The following TMEM117 variants were observed in gnomAD, a reference collection of about 807,000 sequenced individuals.
The protein encoded by TMEM117 is transmembrane protein 117.
TMEM117 carries 27 observed loss-of-function variants against 52.4 expected under a neutral mutation model. The observed-to-expected ratio is 0.51, with a 90% CI of 0.38 to 0.71. The LOEUF (loss-of-function observed/expected upper bound fraction) is 0.71, where lower values mean the gene tolerates loss of function less well. TMEM117 is among the 30% of genes least tolerant of loss of function. The pLI is 0.00. For missense variants in TMEM117, 556 were observed against 630.5 expected (o/e 0.88, Z 1.26); for synonymous variants, 215 against 206.3 (o/e 1.04, Z -0.36).
chr12:43,980,887 ATT>A (rs1304721720), intron 3 of TMEM117, among the ~76,000 whole-genome samples: 2 of 152,216 alleles, frequency 1.3e-5, no homozygotes, highest in African/African-American at 4.8e-5. Flanking sequence ...AGCAAACACA[ATT>A]TGTGGGTAAC....
At chr12:44,037,350 C>G (rs1946725485) in intron 3 of TMEM117, among the ~76,000 whole-genome samples, 1 of 152,132 alleles carries the variant, frequency 6.6e-6, no homozygotes, top group Non-Finnish European at 1.5e-5. Flanking sequence ...CTGGCCTCTC[C>G]CCACTCCTGA....
chr12:43,946,406 T>TTA (rs147787124), intron 3 of TMEM117, among the ~76,000 whole-genome samples: 86,674 of 131,910 alleles, frequency 0.66, 31,436 homozygotes, highest in Non-Finnish European at 0.8. Context: ...TTTGTTTTTT[T>TTA]ATCTAGAGCT....
At chr12:44,140,531 G>A (rs1425915810) in intron 3 of TMEM117, among the ~76,000 whole-genome samples, 1 of 152,096 alleles carries the variant, frequency 6.6e-6, no homozygotes, top group East Asian at 1.9e-4. Flanking sequence ...TTCAGTGATA[G>A]GAGCTTGTTT....
In TMEM117 at chr12:44,255,897, A is replaced by G. The variant is rs113859706; in HGVS notation, c.609-43683A>G. Among the ~76,000 whole-genome samples the G allele has an allele frequency of 8.3e-4, 127 of 152,186 alleles. 1 individual carries two copies. The highest frequency in any genetic ancestry group is 2.8e-3 in the African/African-American group (118 of 41,558). ...AAAACAATCCTCATATTTCAGAAAG[A>G]GAATGTCATTACTGGACACTGATGA... is the stretch of plus-strand genomic sequence containing the variant. On this transcript the variant is annotated intron_variant, in intron 5 of 7. Coordinates refer to ENST00000266534, the MANE Select transcript of TMEM117 (RefSeq NM_032256.3).
At chr12:44,063,536 T>C (rs998565321) in intron 3 of TMEM117, among the ~76,000 whole-genome samples, 1 of 152,110 alleles carries the variant, frequency 6.6e-6, no homozygotes, top group Non-Finnish European at 1.5e-5. Context: ...GTTACATATG[T>C]ATACATGTGC....
intron 3 of TMEM117, among the ~76,000 whole-genome samples, chr12:44,075,131 C>A (rs1393378560): frequency 6.6e-6 from 1 of 152,142 alleles, no homozygotes; most frequent in Non-Finnish European, 1.5e-5. Context: ...AGAGACTAGA[C>A]CAGGGTTATT....
intron 3 of TMEM117, among the ~76,000 whole-genome samples, chr12:44,063,875 A>G (rs1198706610): frequency 6.6e-6 from 1 of 152,186 alleles, no homozygotes; most frequent in Admixed American, 6.5e-5. Flanking sequence ...GCCAGGGGCA[A>G]CCAGCGAAGG....
chr12:44,290,271 T>G (rs1241252970), intron 5 of TMEM117, among the ~76,000 whole-genome samples: 3 of 152,206 alleles, frequency 2.0e-5, no homozygotes, highest in Non-Finnish European at 4.4e-5. Flanking sequence ...CTCTGCTTTT[T>G]GTGTCATATA....
intron 6 of TMEM117, among the ~76,000 whole-genome samples, chr12:44,366,346 A>G (rs878953337): frequency 6.6e-6 from 1 of 152,044 alleles, no homozygotes; most frequent in African/African-American, 2.4e-5. Context: ...GGATGATAGA[A>G]TCTCTCTCCC....
intron 6 of TMEM117, among the ~76,000 whole-genome samples, chr12:44,359,633 C>G (rs1177957218): frequency 6.6e-6 from 1 of 151,942 alleles, no homozygotes; most frequent in Non-Finnish European, 1.5e-5. Context: ...GAAAATCTAT[C>G]TTTATGCATA....
At chr12:44,339,467 C>T (rs1309296936) in intron 6 of TMEM117, among the ~76,000 whole-genome samples, 1 of 152,024 alleles carries the variant, frequency 6.6e-6, no homozygotes, top group Non-Finnish European at 1.5e-5. Flanking sequence ...GAAGCAAGAT[C>T]ATCATGCTTG....
intron 5 of TMEM117, among the ~76,000 whole-genome samples, chr12:44,289,889 C>A (rs1280055426): frequency 6.6e-6 from 1 of 152,030 alleles, no homozygotes; most frequent in African/African-American, 2.4e-5. Context: ...TATCCCTTGT[C>A]TTTTTGATAA....
chr12:44,222,093 T>A (rs1949796580), intron 5 of TMEM117, among the ~76,000 whole-genome samples: 1 of 152,196 alleles, frequency 6.6e-6, no homozygotes, highest in Admixed American at 6.5e-5. Flanking sequence ...GTCTCAACTG[T>A]TCATTTAGCC....
intron 3 of TMEM117, among the ~76,000 whole-genome samples, chr12:44,065,777 A>G (rs996254024): frequency 3.3e-5 from 5 of 152,216 alleles, no homozygotes; most frequent in Admixed American, 2.6e-4. Context: ...GTGTACAGAT[A>G]AAAATACCTA....
At chr12:44,314,199 C>A (rs1330597710) in intron 6 of TMEM117, among the ~76,000 whole-genome samples, 7 of 152,158 alleles carry the variant, frequency 4.6e-5, no homozygotes, top group Admixed American at 2.0e-4. Context: ...ATACTTCCAG[C>A]TTTTGCCCAG....
At chr12:44,387,420 A>G (rs1952104230) in intron 7 of TMEM117, among the ~76,000 whole-genome samples, 1 of 152,078 alleles carries the variant, frequency 6.6e-6, no homozygotes, top group Non-Finnish European at 1.5e-5. Context: ...GGTTACATTT[A>G]TGTCTGATAA....
chr12:43,832,005 A>G (rs1440261909), upstream of TMEM117, among the ~76,000 whole-genome samples: 2 of 152,120 alleles, frequency 1.3e-5, no homozygotes, highest in Non-Finnish European at 2.9e-5. Flanking sequence ...AACTATTTCT[A>G]TTGTTACCCT....
intron 5 of TMEM117, among the ~76,000 whole-genome samples, chr12:44,252,281 G>A (rs556581840): frequency 1.1e-4 from 16 of 152,216 alleles, no homozygotes; most frequent in African/African-American, 3.1e-4. Context: ...CGAGGTAGGC[G>A]GATCACTTAA....
chr12:43,911,017 A>G (rs993560821), intron 2 of TMEM117, among the ~76,000 whole-genome samples: 5 of 52,576 alleles, frequency 9.5e-5, no homozygotes, highest in African/African-American at 2.1e-4. Flanking sequence ...TATGGAACCA[A>G]AAAAGAGCCC....
Sources: gnomAD v4.1 joint callset for allele counts (sites outside exome capture counted in the v4.1 genomes callset) on GRCh38, gnomAD v4.1.1 for gene constraint, MANE v1.5 for transcripts, NCBI Gene and HGNC (gene_info 2026-07-23, HGNC 2026-07-21) for gene names.